FKBP3: variants seen among roughly 807,000 people sequenced by gnomAD.
The protein encoded by FKBP3 is peptidyl-prolyl cis-trans isomerase FKBP3.
A neutral mutation model predicts 30.6 loss-of-function variants in FKBP3; 21 were observed. The observed-to-expected ratio is 0.69, with a 90% confidence interval of 0.49 to 0.99. FKBP3 has a LOEUF of 0.99. Ranked by LOEUF, FKBP3 falls within the 50% of genes least tolerant of loss-of-function variation. The pLI is 0.00. For synonymous variants in FKBP3, 82 were observed against 91.3 expected, an observed-to-expected ratio of 0.90 and a Z score of 0.58; for missense variants, 283 against 261.6, an observed-to-expected ratio of 1.08 and a Z score of -0.56.
chr14:45,130,840 C>A (rs768544983), intron 1 of FKBP3, 40 bp from the exon 2 acceptor site: 2 of 1,225,960 alleles, frequency 1.6e-6, no homozygotes, highest in East Asian at 2.3e-5. Flanking sequence ...TAACTTCTCC[C>A]GAGTAAGAAG....
At chr14:45,131,488 T>G (rs1346284674) in intron 1 of FKBP3, among the ~76,000 whole-genome samples, 1 of 151,826 alleles carries the variant, frequency 6.6e-6, no homozygotes, top group Non-Finnish European at 1.5e-5. Context: ...AAAATTTAGC[T>G]GGCCATGGTG....
At chr14:45,117,705 T>A (rs1226263435) in intron 6 of FKBP3, among the ~76,000 whole-genome samples, 1 of 152,248 alleles carries the variant, frequency 6.6e-6, no homozygotes, top group African/African-American at 2.4e-5. Flanking sequence ...TGCTACAGTT[T>A]GTACTGGGCA....
intron 1 of FKBP3, among the ~76,000 whole-genome samples, chr14:45,134,037 C>T (rs1566710620): frequency 6.6e-6 from 1 of 152,258 alleles, no homozygotes; most frequent in Non-Finnish European, 1.5e-5. Flanking sequence ...CCTCTCCGCC[C>T]TAGCCCCCAA....
chr14:45,132,624 T>G (rs1036590570), intron 1 of FKBP3, among the ~76,000 whole-genome samples: 3 of 151,992 alleles, frequency 2.0e-5, no homozygotes, highest in Non-Finnish European at 4.4e-5. Flanking sequence ...TGGTCCTCAA[T>G]GCCTGGCCTC....
chr14:45,115,986 A>C lies in FKBP3; in HGVS notation c.*212T>G. 1 of 509,592 alleles carries C rather than the reference A, an allele frequency of 2.0e-6. No homozygotes were observed. The highest frequency in any genetic ancestry group is 3.6e-6 in the Non-Finnish European group (1 of 280,482). 31.6% of individuals were successfully genotyped at this position (509,592 alleles called of 1,614,324 possible). On this transcript the variant is annotated 3_prime_UTR_variant, in exon 7 of 7. Coordinates refer to ENST00000396062, the MANE Select transcript of FKBP3 (RefSeq NM_002013.4). ...AAAAGTTCTCCTTGACCAGTATTTT[A>C]CACAGCTGTAGGAAAGTATTTTAGA...
chr14:45,129,806 C>G lies in FKBP3; in HGVS notation c.306G>C (p.Glu102Asp). 1 of 1,604,206 alleles carries G rather than the reference C, an allele frequency of 6.2e-7. No homozygotes were observed. The highest frequency in any genetic ancestry group is 2.2e-5 in the East Asian group (1 of 44,726). Reference sequence around the variant, plus strand: ...ATTATATACAGACCTCATCCAGGGTCTCTTCAGACTTGGTTTCTTTGGGTT... The same window carrying G: ...ATTATATACAGACCTCATCCAGGGTGTCTTCAGACTTGGTTTCTTTGGGTT... The part of the protein sequence containing the change: ...EDKPKETKSE[E>D]TLDEGPPKYT... The change falls in exon 3 of 7, where the codon GAG becomes GAC. Residue 102 changes from glutamate (E) to aspartate (D), a missense_variant. Transcript: ENST00000396062.
intron 3 of FKBP3, among the ~76,000 whole-genome samples, chr14:45,123,276 G>T (rs1039575680): frequency 1.3e-5 from 2 of 151,836 alleles, no homozygotes; most frequent in African/African-American, 2.4e-5. Flanking sequence ...GGTCCTCTGA[G>T]ACCTCTTCTT....
chr14:45,128,731 C>T lies in FKBP3; in HGVS notation c.318+1063G>A, dbSNP rs188552383. On this transcript the variant is annotated intron_variant, in intron 3 of 6. Coordinates refer to ENST00000396062, the MANE Select transcript of FKBP3 (RefSeq NM_002013.4). The stretch of plus-strand genomic sequence containing the variant: ...TAAATAAAATGATAGAGTTTAGGAC[C>T]CTCATAAGCTTGCTCTAGATTGTCT... Among the ~76,000 whole-genome samples, 593 of 152,226 alleles carry T rather than the reference C, an allele frequency of 3.9e-3. 11 individuals carry two copies. The highest frequency in any genetic ancestry group is 0.014 in the African/African-American group (572 of 41,542).
chr14:45,124,127 A>C (rs536292463), intron 3 of FKBP3, among the ~76,000 whole-genome samples: 12 of 152,318 alleles, frequency 7.9e-5, no homozygotes, highest in Admixed American at 3.3e-4. Context: ...AAAGGCCTAA[A>C]CCATGCAGGA....
In FKBP3 at chr14:45,131,875, C is replaced by T. The variant is rs185411035; in HGVS notation, c.109-1075G>A. On this transcript the variant is annotated intron_variant, in intron 1 of 6. Transcript: ENST00000396062. ...TGTATTTAATAACTCAAGGTAACAG[C>T]GGAATTGCTTTTCTTTCAAATATAA... 7.2e-5 allele frequency among the ~76,000 whole-genome samples: 11 copies of T among 152,216 alleles called. No homozygotes were observed. In the South Asian group the frequency reaches 8.3e-4, roughly 11 times the overall value.
chr14:45,130,262 T>A (rs1317502275), intron 2 of FKBP3, among the ~76,000 whole-genome samples: 1 of 152,226 alleles, frequency 6.6e-6, no homozygotes, highest in Non-Finnish European at 1.5e-5. Context: ...TGGGAGAATG[T>A]CTTAAAATGT....
At chr14:45,119,177 A>G (rs907655972) in intron 5 of FKBP3, among the ~76,000 whole-genome samples, 2 of 152,202 alleles carry the variant, frequency 1.3e-5, no homozygotes, top group African/African-American at 4.8e-5. Context: ...CCACATCACC[A>G]AAGGGATAAT....
chr14:45,118,185 G>T, intron 5 of FKBP3, 60 bp from the exon 6 acceptor site: 1 of 921,180 alleles, frequency 1.1e-6, no homozygotes. Context: ...TGCAATACCA[G>T]GACAGTCAAG....
chr14:45,123,771 A>G (rs1303338943), intron 3 of FKBP3, among the ~76,000 whole-genome samples: 6 of 150,066 alleles, frequency 4.0e-5, no homozygotes, highest in Non-Finnish European at 7.4e-5. Context: ...GCCCGCCACC[A>G]CACCCAGCTA....
chr14:45,121,625 AAAC>A lies in FKBP3; in HGVS notation c.319-8_319-6del, dbSNP rs766139616. 118 of 1,612,176 alleles carry A rather than the reference AAAC, an allele frequency of 7.3e-5. No individual in the cohort carries two copies. The highest frequency in any genetic ancestry group is 1.2e-4 in the Admixed American group (7 of 59,856). On this transcript the variant is annotated splice_polypyrimidine_tract_variant and splice_region_variant and intron_variant, in intron 3 of 6. Transcript: ENST00000396062. Reference sequence around the variant, plus strand: ...TTTAGTATATTTTGGTGGACCCTAAAAACAAAAAACAACACACACACACAGAGT... The same window carrying A: ...TTTAGTATATTTTGGTGGACCCTAAAAAAAAACAACACACACACACAGAGT...
chr14:45,130,021 A>G (rs1363114246), intron 2 of FKBP3, 120 bp from the exon 3 acceptor site: 1 of 492,212 alleles, frequency 2.0e-6, no homozygotes, highest in East Asian at 3.4e-5. Flanking sequence ...TGTATAACAC[A>G]ATTGTGAATA....
intron 3 of FKBP3, among the ~76,000 whole-genome samples, chr14:45,128,714 A>C (rs1885152451): frequency 6.6e-6 from 1 of 152,232 alleles, no homozygotes; most frequent in Non-Finnish European, 1.5e-5. Context: ...TTTAAATAAA[A>C]TGATAGAGTT....
At chr14:45,116,535 A>G (rs761909199) in intron 6 of FKBP3, among the ~76,000 whole-genome samples, 67 of 152,192 alleles carry the variant, frequency 4.4e-4, no homozygotes, top group Non-Finnish European at 3.2e-4. Context: ...ATGAGGTAGT[A>G]CATAATATTT....
At chr14:45,118,420 A>T (rs886703280) in intron 5 of FKBP3, among the ~76,000 whole-genome samples, 5 of 152,152 alleles carry the variant, frequency 3.3e-5, no homozygotes, top group Admixed American at 3.3e-4. Context: ...ACTTAAGGTC[A>T]GGAGTTTGAG....
Sources: allele counts gnomAD v4.1 joint callset (sites outside exome capture counted in the v4.1 genomes callset), GRCh38; gene constraint gnomAD v4.1.1; transcripts MANE v1.5; gene names NCBI Gene and HGNC (gene_info 2026-07-23, HGNC 2026-07-21).